The following SLC9A3 variants were observed in gnomAD, a reference collection of about 807,000 sequenced individuals.
SLC9A3 encodes solute carrier family 9 member A3.
Under a neutral mutation model 86.8 loss-of-function variants are expected in SLC9A3, and 37 were observed. The ratio of observed to expected loss-of-function variants is 0.43; its 90% CI spans 0.33 to 0.56. The LOEUF is 0.56. Ranked by LOEUF, SLC9A3 falls within the 20% of genes least tolerant of loss-of-function variation. The pLI is 0.06. For missense variants in SLC9A3, 1,011 were observed against 1,171.9 expected, an observed-to-expected ratio of 0.86 and a Z score of 2.00; for synonymous variants, 581 against 528.3, an observed-to-expected ratio of 1.10 and a Z score of -1.37.
In SLC9A3 at chr5:471,511, G is replaced by A; in HGVS notation, c.*1868C>T. 2.9e-6 allele frequency: 1 copy of A among 345,336 alleles called. No individual in the cohort carries two copies. The highest frequency in any genetic ancestry group is 5.7e-6 in the Non-Finnish European group (1 of 174,508). 21.4% of individuals were successfully genotyped at this position (345,336 alleles called of 1,614,324 possible). A position where few individuals can be genotyped will look rare whatever the true frequency, so the allele number is the denominator to read the frequency against. ...GATGGGACAAACTGGGGGCCTGTCA[G>A]AACAGCCACTTGTGCCGGGAAGGCC... On this transcript the variant is annotated 3_prime_UTR_variant, in exon 17 of 17. Transcript: ENST00000264938.
rs1184436354 is a variant in SLC9A3 at position 471,107 on chromosome 5, A to G, written c.*2272T>C. The G allele has an allele frequency of 1.3e-5, 2 of 153,974 alleles. No homozygotes were observed. Among genetic ancestry groups the G allele is most frequent in the African/African-American group, 2.4e-5 (1 of 41,446 alleles). The allele number at this position is 153,974 out of a possible 1,614,324, so 9.5% of individuals were successfully genotyped here. ...TCCGTGTTTGTGTTTAGCCTGTGCA[A>G]TTCTCGTCAACACAGAACACCTGCC... On this transcript the variant is annotated 3_prime_UTR_variant, in exon 17 of 17. Coordinates refer to ENST00000264938, the MANE Select transcript of SLC9A3 (RefSeq NM_004174.4).
chr5:471,700 G>C lies in SLC9A3; in HGVS notation c.*1679C>G. On this transcript the variant is annotated 3_prime_UTR_variant, in exon 17 of 17. Coordinates refer to ENST00000264938, the MANE Select transcript of SLC9A3 (RefSeq NM_004174.4). The stretch of plus-strand genomic sequence containing the variant: ...GGTTGAAATGGCTACGAAGTGTGGA[G>C]AATAACCACTGAATCCCAAAAAGTC... 2.3e-6 allele frequency: 1 copy of C among 442,928 alleles called. No homozygotes were observed. The allele number at this position is 442,928 out of a possible 1,614,324, so 27.4% of individuals were successfully genotyped here.
intron 10 of SLC9A3, chr5:478,646 T>G (rs991269788): frequency 8.4e-5 from 13 of 154,546 alleles, no homozygotes; most frequent in Admixed American, 7.2e-4. Context: ...GCTGGTGTGG[T>G]TGGGGGAGAG....
Position 473,236 on chromosome 5 carries a change from CT to C in SLC9A3, c.*142del. ...GCACTCTCGGAGTTCTGCGCAGGCG[CT>C]GGCGTGGGCGAGGCGGGGCTCGGGG... On this transcript the variant is annotated 3_prime_UTR_variant, in exon 17 of 17. Coordinates refer to ENST00000264938, the MANE Select transcript of SLC9A3 (RefSeq NM_004174.4). 2.1e-6 allele frequency: 2 copies of C among 936,590 alleles called. No homozygotes were observed. Among genetic ancestry groups the C allele is most frequent in the Non-Finnish European group, 2.8e-6 (2 of 721,382 alleles). 58.0% of individuals were successfully genotyped at this position (936,590 alleles called of 1,614,324 possible).
At position 484,576 on chromosome 5, in the gene SLC9A3, G is replaced by A. The variant is rs1273200759; in HGVS notation, c.876C>T (p.Ile292=). Residue 292 remains isoleucine, a synonymous_variant, in exon 5 of 17, where the codon ATC becomes ATT. Transcript: ENST00000264938. ...VRIIEPGFVF[I]ISYLSYLTSE... ...ACGTCAGGTAGGACAGGTAGGAGATGATGAACACGAAGCCGGGCTCGATGA... is the reference window on the plus strand; with the variant it reads ...ACGTCAGGTAGGACAGGTAGGAGATAATGAACACGAAGCCGGGCTCGATGA... 3 of 1,613,354 alleles carry A rather than the reference G, an allele frequency of 1.9e-6. No homozygotes were observed. Among genetic ancestry groups the A allele is most frequent in the Non-Finnish European group, 2.5e-6 (3 of 1,179,984 alleles).
intron 10 of SLC9A3, 54 bp from the exon 11 acceptor site, chr5:477,498 T>TCA: frequency 9.2e-6 from 12 of 1,310,706 alleles, no homozygotes; most frequent in Non-Finnish European, 1.3e-5. Flanking sequence ...CCCTAGCTGC[T>TCA]GCCATTGTGT....
rs758009579 is a variant in SLC9A3, at chr5:475,621, T to G, written c.2191A>C (p.Ser731Arg). The change falls in exon 15 of 17, where the codon AGT becomes CGT. Residue 731 changes from serine to arginine, a missense_variant. Physicochemically the swap from Ser to Arg is moderately radical, Grantham distance 110 (BLOSUM62 -1). Around this residue, in one of 3 missense-constraint regions of SLC9A3, gnomAD observed 397 missense variants for 346.3 expected, o/e 1.15. Coordinates refer to ENST00000264938, the MANE Select transcript of SLC9A3 (RefSeq NM_004174.4). Reference protein sequence around the residue: ...EEPPNYDEEMSGGIEFLASVT... With the variant: ...EEPPNYDEEMRGGIEFLASVT... ...CTAGCCAGGAACTCGATCCCCCCAC[T>G]CATCTCCTCATCATAGTTGGGGGGC... The G allele has an allele frequency of 2.6e-6, 4 of 1,552,226 alleles. No homozygotes were observed. The South Asian group carries it at 4.8e-5, about 18-fold the overall frequency.
intron 1 of SLC9A3, among the ~76,000 whole-genome samples, chr5:518,556 C>A (rs959936373): frequency 1.3e-5 from 2 of 152,196 alleles, no homozygotes; most frequent in Non-Finnish European, 2.9e-5. Flanking sequence ...GTGGCTTCAT[C>A]GTGCACTGAG....
chr5:500,389 G>C lies in SLC9A3; in HGVS notation c.212-8318C>G, dbSNP rs374760217. Among the ~76,000 whole-genome samples, 208 of 152,292 alleles carry C rather than the reference G, an allele frequency of 1.4e-3. 10 individuals carry two copies. In the South Asian group the frequency reaches 0.041, roughly 30 times the overall value. On this transcript the variant is annotated intron_variant, in intron 1 of 16. Coordinates refer to ENST00000264938, the MANE Select transcript of SLC9A3 (RefSeq NM_004174.4). The stretch of plus-strand genomic sequence containing the variant: ...GCGTGGATCCCTGGCGAGAATGGAA[G>C]GGGGGGTGGCAGGAGACGGGGACGG...
chr5:493,852 A>C (rs549011465), intron 1 of SLC9A3, among the ~76,000 whole-genome samples: 6 of 152,322 alleles, frequency 3.9e-5, no homozygotes, highest in Non-Finnish European at 8.8e-5. Flanking sequence ...CATCCTGCAC[A>C]GATCTGAGCT....
At position 488,552 on chromosome 5, in the gene SLC9A3, C is replaced by G. The variant is rs1356141593; in HGVS notation, c.515-76G>C. 8.5e-6 allele frequency: 12 copies of G among 1,407,810 alleles called. No individual in the cohort carries two copies. The Middle Eastern group carries it at 8.0e-4, about 94-fold the overall frequency. 87.2% of individuals were successfully genotyped at this position (1,407,810 alleles called of 1,614,324 possible). A position where few individuals can be genotyped will look rare whatever the true frequency, so the allele number is the denominator to read the frequency against. On this transcript the variant is annotated intron_variant, in intron 2 of 16. Coordinates refer to ENST00000264938, the MANE Select transcript of SLC9A3 (RefSeq NM_004174.4). ...AGGAGGGCCCTGGGGAGGCGCTCGCCTACGGGTCGGGGTTCGGAGCCCGTC... is the reference window on the plus strand; with the variant it reads ...AGGAGGGCCCTGGGGAGGCGCTCGCGTACGGGTCGGGGTTCGGAGCCCGTC...
At chr5:520,557 C>G (rs1733854799) in intron 1 of SLC9A3, among the ~76,000 whole-genome samples, 1 of 152,176 alleles carries the variant, frequency 6.6e-6, no homozygotes, top group Non-Finnish European at 1.5e-5. Flanking sequence ...CCGGAATCTC[C>G]CCGGTGCCAT....
intron 4 of SLC9A3, 57 bp from the exon 5 acceptor site, chr5:484,754 G>GGGCC: frequency 6.4e-7 from 1 of 1,571,806 alleles, no homozygotes; most frequent in Non-Finnish European, 8.7e-7. Flanking sequence ...TCCTTGCCAG[G>GGGCC]GGCCGCCTGG....
chr5:493,608 C>T (rs914936228), intron 1 of SLC9A3, among the ~76,000 whole-genome samples: 1 of 152,250 alleles, frequency 6.6e-6, no homozygotes, highest in South Asian at 2.1e-4. Context: ...GGGAGGGTGG[C>T]AGGCACAAGC....
chr5:497,222 C>G lies in SLC9A3; in HGVS notation c.212-5151G>C, dbSNP rs1187922358. Among the ~76,000 whole-genome samples the G allele has an allele frequency of 6.6e-6, 1 of 152,146 alleles. No individual in the cohort carries two copies. Among genetic ancestry groups the G allele is most frequent in the Non-Finnish European group, 1.5e-5 (1 of 68,020 alleles). On this transcript the variant is annotated intron_variant, in intron 1 of 16. Transcript: ENST00000264938. The surrounding 1 kb of genome is among the most constrained non-coding windows in gnomAD (Gnocchi z 5.4). ...GTGGCACTGGTGGGTGCTCCCGGTG[C>G]CCAGGCCGCTGCCCCGCAGGTGCCC... is the stretch of plus-strand genomic sequence containing the variant.
At chr5:523,320 C>G (rs1431871694) in intron 1 of SLC9A3, among the ~76,000 whole-genome samples, 2 of 152,148 alleles carry the variant, frequency 1.3e-5, no homozygotes, top group African/African-American at 4.8e-5. Flanking sequence ...CCTCTCGCCC[C>G]AGTCCAAAGC....
At chr5:477,534 C>T (rs1418382346) in intron 10 of SLC9A3, 90 bp from the exon 11 acceptor site, 19 of 838,524 alleles carry the variant, frequency 2.3e-5, no homozygotes, top group African/African-American at 1.2e-4. Flanking sequence ...GCCCAGAGCT[C>T]GGGGCCCGGG....
rs1449103055 is a variant in SLC9A3 at position 472,176 on chromosome 5, G to A, written c.*1203C>T. On this transcript the variant is annotated 3_prime_UTR_variant, in exon 17 of 17. Transcript: ENST00000264938. The stretch of plus-strand genomic sequence containing the variant: ...GGCCTCCGCCCACTCAATGGACTGT[G>A]CCTCCCAGAGCTTGGGCTGGATGGT... 1.1e-5 allele frequency: 4 copies of A among 367,014 alleles called. No individual in the cohort carries two copies. Among genetic ancestry groups the A allele is most frequent in the Non-Finnish European group, 2.1e-5 (4 of 186,862 alleles). The allele number at this position is 367,014 out of a possible 1,614,324, so 22.7% of individuals were successfully genotyped here. A position where few individuals can be genotyped will look rare whatever the true frequency, so the allele number is the denominator to read the frequency against.
intron 9 of SLC9A3, chr5:480,543 G>A (rs1244409357): frequency 6.5e-6 from 1 of 153,768 alleles, no homozygotes; most frequent in Non-Finnish European, 1.4e-5. Flanking sequence ...TCACACCTGG[G>A]CAGGCCCCGC....
Sources: allele counts gnomAD v4.1 joint callset (sites outside exome capture counted in the v4.1 genomes callset), GRCh38; gene constraint gnomAD v4.1.1; regional missense constraint gnomAD v4.1.1; non-coding constraint Gnocchi (gnomAD v3.1); transcripts MANE v1.5; gene names NCBI Gene and HGNC (gene_info 2026-07-23, HGNC 2026-07-21).